SCML1: variants seen among roughly 807,000 people sequenced by gnomAD.
SCML1 encodes the protein Scm polycomb group protein like 1, also known as sex comb on midleg-like protein 1.
For synonymous variants in SCML1, 104 were observed against 103.6 expected, an observed-to-expected ratio of 1.00 and a Z score of -0.02; for missense variants, 137 against 258.1, an observed-to-expected ratio of 0.53 and a Z score of 3.22.
At chrX:17,741,371 G>A (rs1227677033) in intron 1 of SCML1, among the ~76,000 whole-genome samples, 2 of 111,586 alleles carry the variant, frequency 1.8e-5, no homozygotes, top group Admixed American at 9.5e-5. Flanking sequence ...AGTACCAGGC[G>A]GTTGCCCAGG....
chrX:17,743,883 G>C (rs2066622179), intron 1 of SCML1, 188 bp from the exon 2 acceptor site: 1 of 231,601 alleles, frequency 4.3e-6, no homozygotes, highest in African/African-American at 2.9e-5. Flanking sequence ...CTTATTTCTA[G>C]TCATGAGCAA....
At chrX:17,738,542 T>G (rs1192607901) in intron 1 of SCML1, among the ~76,000 whole-genome samples, 1 of 111,934 alleles carries the variant, frequency 8.9e-6, no homozygotes, top group Admixed American at 9.4e-5. Flanking sequence ...AAGGAAGGGC[T>G]GCCTTTGAGA....
At chrX:17,739,305 ATGT>A (rs1391981675) in intron 1 of SCML1, among the ~76,000 whole-genome samples, 1 of 112,354 alleles carries the variant, frequency 8.9e-6, no homozygotes, top group Non-Finnish European at 1.9e-5. Flanking sequence ...CTCTGAGAAA[ATGT>A]TGTAAAGCTG....
At position 17,740,467 on chromosome X, in the gene SCML1, C is replaced by T. The variant is rs905776971; in HGVS notation, c.-117+2787C>T. Among the ~76,000 whole-genome samples, 13 of 110,263 alleles carry T rather than the reference C, an allele frequency of 1.2e-4. No individual in the cohort carries two copies. The South Asian group carries it at 1.6e-3, about 13-fold the overall frequency. The stretch of plus-strand genomic sequence containing the variant: ...TGTATTAATTTAATCCTCACGATTC[C>T]GTGAGGTATGTGCTATTATCATTCC... On this transcript the variant is annotated intron_variant, in intron 1 of 7. Coordinates refer to ENST00000380041, the MANE Select transcript of SCML1 (RefSeq NM_001037540.3).
At position 17,750,214 on chromosome X, in the gene SCML1, G is replaced by T. The variant is rs1383018881; in HGVS notation, c.624G>T (p.Gly208=). 1.7e-6 allele frequency: 2 copies of T among 1,211,747 alleles called. No individual in the cohort carries two copies. Among genetic ancestry groups the T allele is most frequent in the Admixed American group, 4.3e-5 (2 of 46,050 alleles). Residue 208 remains glycine, a synonymous_variant, in exon 6 of 8, where the codon GGG becomes GGT. Transcript: ENST00000380041. ...SDGATYGSSS[G]LCLGNPRADS... is the part of the protein sequence containing the mutation. ...GTGCAACGTATGGTTCTTCTTCAGG[G>T]CTCTGCCTTGGCAACCCTCGGGCTG... is the stretch of plus-strand genomic sequence containing the variant.
Position 17,737,517 on chromosome X carries a change from T to G in SCML1, c.-280T>G, listed in dbSNP as rs1209162837. The stretch of plus-strand genomic sequence containing the variant: ...CACTCAGGGGTCAGGGCATCACTGG[T>G]CTCGCGTGCGCGTGACCAGGCCCGG... On this transcript the variant is annotated 5_prime_UTR_variant, in exon 1 of 8. Transcript: ENST00000380041. The G allele has an allele frequency of 1.0e-5, 1 of 98,087 alleles. No individual in the cohort carries two copies. The highest frequency in any genetic ancestry group is 2.0e-5 in the Non-Finnish European group (1 of 50,129). 8.1% of individuals were successfully genotyped at this position (98,087 alleles called of 1,213,427 possible).
Position 17,745,539 on chromosome X carries a change from A to G in SCML1, c.117A>G (p.Lys39=). 1 of 1,084,329 alleles carries G rather than the reference A, an allele frequency of 9.2e-7. No homozygotes were observed. The highest frequency in any genetic ancestry group is 2.0e-5 in the South Asian group (1 of 51,256). 89.4% of individuals were successfully genotyped at this position (1,084,329 alleles called of 1,213,427 possible). Residue 39 remains lysine (K), a splice_region_variant and synonymous_variant, in exon 3 of 8, where the codon AAA becomes AAG. Transcript: ENST00000380041. ...AAACAAAACCTGAATTTGTCAATAAAGTATGTTAATTGCTAATTGCCAAAT... is the reference window on the plus strand; with the variant it reads ...AAACAAAACCTGAATTTGTCAATAAGGTATGTTAATTGCTAATTGCCAAAT... The part of the protein sequence containing the change: ...AYETKPEFVN[K]EPNIVSDASC...
rs200960277 is a variant in SCML1, at chrX:17,749,383, A to G, written c.199-17A>G. On this transcript the variant is annotated splice_polypyrimidine_tract_variant and intron_variant, in intron 4 of 7. Transcript: ENST00000380041. Reference sequence around the variant, plus strand: ...TACATTGTATACCAATTATATGACTACATTGTATTATAATAGGTTATATAT... The same window carrying G: ...TACATTGTATACCAATTATATGACTGCATTGTATTATAATAGGTTATATAT... 152 of 901,361 alleles carry G rather than the reference A, an allele frequency of 1.7e-4. No homozygotes were observed. The African/African-American group carries it at 2.6e-3, about 16-fold the overall frequency. 74.3% of individuals were successfully genotyped at this position (901,361 alleles called of 1,213,427 possible).
chrX:17,749,213 T>C (rs1225033790), intron 4 of SCML1, among the ~76,000 whole-genome samples, 187 bp from the exon 5 acceptor site: 1 of 112,345 alleles, frequency 8.9e-6, no homozygotes, highest in African/African-American at 3.2e-5. Context: ...TAGCTCAGCC[T>C]GTTGGCTCTG....
intron 4 of SCML1, among the ~76,000 whole-genome samples, chrX:17,748,606 A>G (rs1401049693): frequency 8.9e-6 from 1 of 112,200 alleles, no homozygotes; most frequent in Non-Finnish European, 1.9e-5. Context: ...TGAATGAATG[A>G]ATGAATGAAT....
rs2066745508 is a variant in SCML1, at chrX:17,754,663, A to T, written c.*1271A>T. 1 of 112,983 alleles carries T rather than the reference A, an allele frequency of 8.9e-6. No homozygotes were observed. Among genetic ancestry groups the T allele is most frequent in the Non-Finnish European group, 1.9e-5 (1 of 53,322 alleles). 9.3% of individuals were successfully genotyped at this position (112,983 alleles called of 1,213,427 possible). A position where few individuals can be genotyped will look rare whatever the true frequency, so the allele number is the denominator to read the frequency against. On this transcript the variant is annotated 3_prime_UTR_variant, in exon 8 of 8. Coordinates refer to ENST00000380041, the MANE Select transcript of SCML1 (RefSeq NM_001037540.3). ...GTTATTACATTGTGTAACAAATATA[A>T]GGTTTACGAGCTATGAGAATTGGTG...
In SCML1 at chrX:17,753,516, T is replaced by A; in HGVS notation, c.*124T>A. ...GTAGAAAGTATCTCTCAAAATATATTATAGCTAGAATTGTAGAACTATGTT... is the reference window on the plus strand; with the variant it reads ...GTAGAAAGTATCTCTCAAAATATATAATAGCTAGAATTGTAGAACTATGTT... On this transcript the variant is annotated 3_prime_UTR_variant, in exon 8 of 8. Coordinates refer to ENST00000380041, the MANE Select transcript of SCML1 (RefSeq NM_001037540.3). The A allele has an allele frequency of 2.1e-6, 1 of 469,795 alleles. No homozygotes were observed. The highest frequency in any genetic ancestry group is 3.3e-6 in the Non-Finnish European group (1 of 302,174). 38.7% of individuals were successfully genotyped at this position (469,795 alleles called of 1,213,427 possible). A position where few individuals can be genotyped will look rare whatever the true frequency, so the allele number is the denominator to read the frequency against.
intron 1 of SCML1, among the ~76,000 whole-genome samples, chrX:17,740,672 TA>T (rs1370091118): frequency 8.9e-6 from 1 of 112,028 alleles, no homozygotes; most frequent in African/African-American, 3.3e-5. Context: ...GTAGAAGTAT[TA>T]AAGTGTGAGT....
intron 1 of SCML1, among the ~76,000 whole-genome samples, chrX:17,740,847 G>A (rs1003851359): frequency 6.2e-5 from 7 of 112,389 alleles, no homozygotes; most frequent in Non-Finnish European, 9.4e-5. Context: ...TAACAGGAGC[G>A]AGAAGCTCAA....
At chrX:17,737,862 A>G (rs1372814970) in intron 1 of SCML1, 182 bp downstream of exon 1, 1 of 111,618 alleles carries the variant, frequency 9.0e-6, no homozygotes, top group African/African-American at 3.3e-5. Context: ...TGGTCCCCAC[A>G]GCCTTTCCGG....
chrX:17,744,048 CT>C, intron 1 of SCML1, 22 bp from the exon 2 acceptor site: 1 of 484,786 alleles, frequency 2.1e-6, no homozygotes. Flanking sequence ...TATGAAGTAA[CT>C]TTTTTATGCG....
chrX:17,740,331 A>G (rs943511981), intron 1 of SCML1, among the ~76,000 whole-genome samples: 6 of 111,717 alleles, frequency 5.4e-5, no homozygotes, highest in Non-Finnish European at 1.1e-4. Flanking sequence ...TGACGTTATG[A>G]CCCAGGCTTG....
At position 17,753,695 on chromosome X, in the gene SCML1, C is replaced by G. The variant is rs1326561860; in HGVS notation, c.*303C>G. Reference sequence around the variant, plus strand: ...GCAAGAAACAGAAAAAAAAAAAAACCCTTTGATTCTGGTTCATCTCGATAC... The same window carrying G: ...GCAAGAAACAGAAAAAAAAAAAAACGCTTTGATTCTGGTTCATCTCGATAC... On this transcript the variant is annotated 3_prime_UTR_variant, in exon 8 of 8. Coordinates refer to ENST00000380041, the MANE Select transcript of SCML1 (RefSeq NM_001037540.3). 3.4e-5 allele frequency: 4 copies of G among 117,031 alleles called. No individual in the cohort carries two copies. The highest frequency in any genetic ancestry group is 1.3e-4 in the African/African-American group (4 of 30,462). 9.6% of individuals were successfully genotyped at this position (117,031 alleles called of 1,213,427 possible). A position where few individuals can be genotyped will look rare whatever the true frequency, so the allele number is the denominator to read the frequency against.
chrX:17,744,292 T>G (rs1183400438), intron 2 of SCML1, 73 bp downstream of exon 2: 5 of 841,813 alleles, frequency 5.9e-6, no homozygotes, highest in Non-Finnish European at 8.7e-6. Flanking sequence ...TTTAGTTTAA[T>G]TTTATACAGT....
Sources: allele counts gnomAD v4.1 joint callset (sites outside exome capture counted in the v4.1 genomes callset), GRCh38; gene constraint gnomAD v4.1.1; transcripts MANE v1.5; gene names NCBI Gene and HGNC (gene_info 2026-07-23, HGNC 2026-07-21).